The following WDR37 variants were observed in gnomAD, a reference collection of about 807,000 sequenced individuals.
WDR37 encodes the protein WD repeat domain 37, also known as WD repeat-containing protein 37.
A neutral mutation model predicts 62.9 loss-of-function variants in WDR37; 19 were observed. The ratio of observed to expected loss-of-function variants is 0.30; its 90% CI spans 0.21 to 0.44. The LOEUF is 0.44. Among genes scored for constraint, WDR37 ranks in the 20% least tolerant of loss-of-function variants. The pLI is 1.00. For missense variants in WDR37, 474 were observed against 657.6 expected, an observed-to-expected ratio of 0.72 and a Z score of 3.05; for synonymous variants, 250 against 260.9, an observed-to-expected ratio of 0.96 and a Z score of 0.40.
At chr10:1,060,557 A>G (rs1404707599) in intron 1 of WDR37, among the ~76,000 whole-genome samples, 1 of 152,238 alleles carries the variant, frequency 6.6e-6, no homozygotes, top group Admixed American at 6.5e-5. Context: ...ATTTTGAAGG[A>G]AAATAATTAC....
At chr10:1,065,176 T>C (rs1042626903) in intron 1 of WDR37, among the ~76,000 whole-genome samples, 2 of 152,210 alleles carry the variant, frequency 1.3e-5, no homozygotes, top group Non-Finnish European at 2.9e-5. Context: ...ATTTTCTAAA[T>C]TGTGTTTGGA....
chr10:1,079,763 G>A (rs1027427201), intron 3 of WDR37, among the ~76,000 whole-genome samples: 1 of 152,132 alleles, frequency 6.6e-6, no homozygotes, highest in African/African-American at 2.4e-5. Flanking sequence ...CTGACCTCGT[G>A]ATCCACCTGC....
At chr10:1,116,242 C>A (rs1835392750) in intron 11 of WDR37, among the ~76,000 whole-genome samples, 1 of 151,510 alleles carries the variant, frequency 6.6e-6, no homozygotes, top group African/African-American at 2.4e-5. Flanking sequence ...ATCCCCCCTG[C>A]CCTGGGTCAT....
chr10:1,124,657 A>AGT (rs10522293), intron 12 of WDR37, among the ~76,000 whole-genome samples: 3,258 of 149,242 alleles, frequency 0.022, 121 homozygotes, highest in African/African-American at 0.077. Context: ...ACCATTGAGC[A>AGT]GTGTGTGTGT....
intron 13 of WDR37, among the ~76,000 whole-genome samples, chr10:1,126,731 A>G (rs1343512369): frequency 6.6e-6 from 1 of 152,198 alleles, no homozygotes; most frequent in Non-Finnish European, 1.5e-5. Flanking sequence ...TCAGGGAGGC[A>G]CGTGCGAAAG....
At chr10:1,068,045 A>G (rs1172583134) in intron 1 of WDR37, among the ~76,000 whole-genome samples, 1 of 149,406 alleles carries the variant, frequency 6.7e-6, no homozygotes, top group Non-Finnish European at 1.5e-5. Flanking sequence ...CAGTGGAAAA[A>G]TAGATAGATA....
At chr10:1,126,411 A>AC (rs1835779484) in intron 13 of WDR37, among the ~76,000 whole-genome samples, 1 of 151,536 alleles carries the variant, frequency 6.6e-6, no homozygotes, top group Non-Finnish European at 1.5e-5. Flanking sequence ...GTCTCAGAAA[A>AC]AAAAAAAAGA....
At chr10:1,114,511 T>G (rs1391016023) in intron 11 of WDR37, among the ~76,000 whole-genome samples, 2 of 152,214 alleles carry the variant, frequency 1.3e-5, no homozygotes, top group Non-Finnish European at 2.9e-5. Flanking sequence ...ACTTAAGAAA[T>G]GCACATTGCG....
At chr10:1,069,171 C>T (rs916573992) in intron 1 of WDR37, among the ~76,000 whole-genome samples, 3 of 151,780 alleles carry the variant, frequency 2.0e-5, no homozygotes, top group Non-Finnish European at 4.4e-5. Context: ...TTGAATTGTG[C>T]ACTTTAAATA....
At chr10:1,127,695 C>G (rs1453022767) in intron 13 of WDR37, among the ~76,000 whole-genome samples, 1 of 152,136 alleles carries the variant, frequency 6.6e-6, no homozygotes, top group Non-Finnish European at 1.5e-5. Context: ...GTGAGGGTCC[C>G]TGCGCAAGGG....
chr10:1,080,763 G>T (rs1834001776), intron 5 of WDR37, among the ~76,000 whole-genome samples: 1 of 151,994 alleles, frequency 6.6e-6, no homozygotes. Context: ...AAAATTAGCT[G>T]GGTGTGGTGG....
intron 7 of WDR37, among the ~76,000 whole-genome samples, chr10:1,087,663 A>G (rs1432713430): frequency 6.6e-6 from 1 of 152,190 alleles, no homozygotes; most frequent in African/African-American, 2.4e-5. Flanking sequence ...CATCAGATGT[A>G]CTGTCATCCA....
intron 7 of WDR37, among the ~76,000 whole-genome samples, chr10:1,089,943 A>G (rs1237301914): frequency 1.3e-5 from 2 of 151,186 alleles, no homozygotes; most frequent in Non-Finnish European, 3.0e-5. Flanking sequence ...CCTCCTGGGG[A>G]CTTGTGTTTG....
At position 1,131,282 on chromosome 10, in the gene WDR37, C is replaced by T. The variant is rs925063864; in HGVS notation, c.*1938C>T. On this transcript the variant is annotated 3_prime_UTR_variant, in exon 14 of 14. Coordinates refer to ENST00000263150, the MANE Select transcript of WDR37 (RefSeq NM_014023.4). ...CTTCTGGGGCCACTGCACAGGCCACCTGCTTGGGTTCCTCGGAGTTTAATT... is the reference window on the plus strand; with the variant it reads ...CTTCTGGGGCCACTGCACAGGCCACTTGCTTGGGTTCCTCGGAGTTTAATT... 2 of 152,256 alleles carry T rather than the reference C, an allele frequency of 1.3e-5. No individual in the cohort carries two copies. The highest frequency in any genetic ancestry group is 4.8e-5 in the African/African-American group (2 of 41,444). The allele number at this position is 152,256 out of a possible 1,614,324, so 9.4% of individuals were successfully genotyped here.
At chr10:1,084,630 C>T (rs1241721986) in intron 6 of WDR37, 92 bp downstream of exon 6, 5 of 1,550,192 alleles carry the variant, frequency 3.2e-6, no homozygotes, top group Non-Finnish European at 4.4e-6. Flanking sequence ...GCAGAGGAAC[C>T]CTAGATGCAA....
chr10:1,074,790 C>T (rs1564498661), intron 2 of WDR37, among the ~76,000 whole-genome samples: 1 of 152,188 alleles, frequency 6.6e-6, no homozygotes, highest in African/African-American at 2.4e-5. Flanking sequence ...AGGGAGACAT[C>T]GTGTTAGGTT....
intron 11 of WDR37, among the ~76,000 whole-genome samples, chr10:1,115,872 G>A (rs1194109302): frequency 6.6e-6 from 1 of 152,206 alleles, no homozygotes; most frequent in East Asian, 1.9e-4. Flanking sequence ...GAAGTGACAT[G>A]GAGATGAGGA....
chr10:1,102,906 G>A (rs1385208467), intron 9 of WDR37, among the ~76,000 whole-genome samples: 1 of 152,164 alleles, frequency 6.6e-6, no homozygotes, highest in Non-Finnish European at 1.5e-5. Flanking sequence ...TCACTCCAGA[G>A]TTCCTACCTG....
At chr10:1,096,945 G>C (rs1375034045) in intron 9 of WDR37, among the ~76,000 whole-genome samples, 1 of 152,182 alleles carries the variant, frequency 6.6e-6, no homozygotes, top group Non-Finnish European at 1.5e-5. Context: ...TTGTGGAAAA[G>C]TGGATGTTGA....
Sources: allele counts gnomAD v4.1 joint callset (sites outside exome capture counted in the v4.1 genomes callset), GRCh38; gene constraint gnomAD v4.1.1; transcripts MANE v1.5; gene names NCBI Gene and HGNC (gene_info 2026-07-23, HGNC 2026-07-21).